The following OSTN variants were observed in gnomAD, a reference collection of about 807,000 sequenced individuals.
OSTN encodes the protein osteocrin.
OSTN carries 9 observed loss-of-function variants against 12.0 expected under a neutral mutation model. The ratio of observed to expected loss-of-function variants is 0.75; its 90% CI spans 0.45 to 1.30. The LOEUF (loss-of-function observed/expected upper bound fraction) is 1.30, where lower values mean the gene tolerates loss of function less well. Ranked by LOEUF, OSTN falls within the 50% of genes most tolerant of loss-of-function variation. The pLI is 0.00. For missense variants in OSTN, 148 were observed against 152.3 expected (o/e 0.97, Z 0.15); for synonymous variants, 59 against 56.9 (o/e 1.04, Z -0.16).
At position 191,265,261 on chromosome 3, in the gene OSTN, T is replaced by C. The variant is rs1273234311; in HGVS notation, c.*2408T>C. ...TTGTTTCAAAATAATGCATTACTTT[T>C]TTCTCTTTGCTTCTGTATGAACCTT... On this transcript the variant is annotated 3_prime_UTR_variant, in exon 5 of 5. Coordinates refer to ENST00000682035, the MANE Select transcript of OSTN (RefSeq NM_198184.2). 6.6e-6 allele frequency: 1 copy of C among 152,222 alleles called. No individual in the cohort carries two copies. Among genetic ancestry groups the C allele is most frequent in the Non-Finnish European group, 1.5e-5 (1 of 68,012 alleles). 9.4% of individuals were successfully genotyped at this position (152,222 alleles called of 1,614,324 possible). A position where few individuals can be genotyped will look rare whatever the true frequency, so the allele number is the denominator to read the frequency against.
Position 191,252,437 on chromosome 3 carries a change from T to C in OSTN, c.*12+2304T>C, listed in dbSNP as rs116837383. 4.0e-3 allele frequency among the ~76,000 whole-genome samples: 614 copies of C among 152,336 alleles called. 4 individuals carry two copies. Among genetic ancestry groups the C allele is most frequent in the African/African-American group, 0.014 (582 of 41,588 alleles). On this transcript the variant is annotated intron_variant, in intron 4 of 4. Coordinates refer to ENST00000682035, the MANE Select transcript of OSTN (RefSeq NM_198184.2). ...CAAACTATGAAGACAATTGAATTAATACAATGCTTCCTGAATCACTGTTGG... is the reference window on the plus strand; with the variant it reads ...CAAACTATGAAGACAATTGAATTAACACAATGCTTCCTGAATCACTGTTGG...
chr3:191,227,072 A>G (rs1714930523), intron 3 of OSTN, among the ~76,000 whole-genome samples: 1 of 152,174 alleles, frequency 6.6e-6, no homozygotes, highest in Non-Finnish European at 1.5e-5. Context: ...AAAAACTCAA[A>G]GAATAAACTG....
chr3:191,238,430 CAA>C (rs1311122081), intron 3 of OSTN, among the ~76,000 whole-genome samples: 5 of 152,074 alleles, frequency 3.3e-5, no homozygotes, highest in Non-Finnish European at 7.4e-5. Flanking sequence ...TTACATATGA[CAA>C]GAGGAAGTAG....
At chr3:191,215,928 GC>G (rs1560115150) in intron 2 of OSTN, among the ~76,000 whole-genome samples, 2 of 152,122 alleles carry the variant, frequency 1.3e-5, no homozygotes, top group African/African-American at 4.8e-5. Context: ...GCTCTACTGG[GC>G]AGTACCACAG....
At position 191,264,716 on chromosome 3, in the gene OSTN, C is replaced by G. The variant is rs1344475283; in HGVS notation, c.*1863C>G. 1 of 152,064 alleles carries G rather than the reference C, an allele frequency of 6.6e-6. No individual in the cohort carries two copies. Among genetic ancestry groups the G allele is most frequent in the African/African-American group, 2.4e-5 (1 of 41,428 alleles). The allele number at this position is 152,064 out of a possible 1,614,324, so 9.4% of individuals were successfully genotyped here. A position where few individuals can be genotyped will look rare whatever the true frequency, so the allele number is the denominator to read the frequency against. ...CTATTGCTTAGAAGCTCTTTCTTTC[C>G]TTGTATGCACATTTGGGTATTTGTA... is the stretch of plus-strand genomic sequence containing the variant. On this transcript the variant is annotated 3_prime_UTR_variant, in exon 5 of 5. Coordinates refer to ENST00000682035, the MANE Select transcript of OSTN (RefSeq NM_198184.2).
chr3:191,219,795 T>C lies in OSTN; in HGVS notation c.317+834T>C, dbSNP rs111859865. On this transcript the variant is annotated intron_variant, in intron 3 of 4. Transcript: ENST00000682035. ...ATTTCTCACTAAATTCTCTAAATAC[T>C]GTTTGCTTTACATATTAAATATCTC... is the stretch of plus-strand genomic sequence containing the variant. 2.9e-3 allele frequency among the ~76,000 whole-genome samples: 443 copies of C among 152,336 alleles called. 3 individuals are homozygous for C. Among genetic ancestry groups the C allele is most frequent in the African/African-American group, 1.0e-2 (415 of 41,582 alleles).
At chr3:191,221,998 G>A (rs371890759) in intron 3 of OSTN, among the ~76,000 whole-genome samples, 8 of 152,244 alleles carry the variant, frequency 5.3e-5, no homozygotes, top group African/African-American at 1.4e-4. Flanking sequence ...TTCAGAGGGT[G>A]CAAGCCCCAA....
At chr3:191,247,705 A>G (rs1381523309) in intron 3 of OSTN, among the ~76,000 whole-genome samples, 1 of 152,252 alleles carries the variant, frequency 6.6e-6, no homozygotes, top group Non-Finnish European at 1.5e-5. Flanking sequence ...CATCTGGCAC[A>G]TAGAAGGTAT....
At chr3:191,248,980 T>C (rs1431217232) in intron 3 of OSTN, among the ~76,000 whole-genome samples, 2 of 152,314 alleles carry the variant, frequency 1.3e-5, no homozygotes, top group East Asian at 3.9e-4. Context: ...ATTGCAAAAG[T>C]GTTTGTCTGC....
chr3:191,251,555 C>G (rs1203034316), intron 4 of OSTN, among the ~76,000 whole-genome samples: 1 of 152,160 alleles, frequency 6.6e-6, no homozygotes, highest in Non-Finnish European at 1.5e-5. Context: ...TTTCCCTCCT[C>G]CTCATGCTCT....
chr3:191,242,009 A>T (rs540849325), intron 3 of OSTN, among the ~76,000 whole-genome samples: 44 of 148,306 alleles, frequency 3.0e-4, no homozygotes, highest in African/African-American at 7.0e-4. Context: ...CAATGTATTT[A>T]AAAAAAAATA....
chr3:191,214,469 C>CA (rs1172394303), intron 2 of OSTN, among the ~76,000 whole-genome samples: 1 of 107,508 alleles, frequency 9.3e-6, no homozygotes, highest in Non-Finnish European at 2.0e-5. Context: ...AAAACAGCAA[C>CA]AAAAAACCAC....
rs73199656 is a variant in OSTN at position 191,226,776 on chromosome 3, A to G, written c.317+7815A>G. ...AAAGTAGCATCTCATATTAGTAAGT[A>G]AAAGAATATAGTTTGAATAAGTGAT... On this transcript the variant is annotated intron_variant, in intron 3 of 4. Coordinates refer to ENST00000682035, the MANE Select transcript of OSTN (RefSeq NM_198184.2). Among the ~76,000 whole-genome samples, 1,203 of 152,330 alleles carry G rather than the reference A, an allele frequency of 7.9e-3. 9 individuals carry two copies. Among genetic ancestry groups the G allele is most frequent in the Non-Finnish European group, 0.013 (886 of 67,998 alleles).
chr3:191,227,843 T>C (rs373776303), intron 3 of OSTN, among the ~76,000 whole-genome samples: 3 of 152,166 alleles, frequency 2.0e-5, no homozygotes, highest in East Asian at 3.9e-4. Flanking sequence ...GGAACATAAA[T>C]ATATGCTAAT....
At chr3:191,210,617 G>T (rs1714395411) in intron 1 of OSTN, among the ~76,000 whole-genome samples, 1 of 152,098 alleles carries the variant, frequency 6.6e-6, no homozygotes, top group Admixed American at 6.5e-5. Flanking sequence ...CTTATTCAAG[G>T]TTACACTGAT....
At chr3:191,205,135 G>T (rs922540264) in intron 1 of OSTN, among the ~76,000 whole-genome samples, 20 of 152,034 alleles carry the variant, frequency 1.3e-4, no homozygotes, top group Non-Finnish European at 2.6e-4. Context: ...TTATTTATTT[G>T]AACTCTAAGC....
At chr3:191,244,466 A>C (rs972730435) in intron 3 of OSTN, among the ~76,000 whole-genome samples, 1 of 151,554 alleles carries the variant, frequency 6.6e-6, no homozygotes, top group Non-Finnish European at 1.5e-5. Context: ...GGGACTAGAT[A>C]GTCAAAAAGT....
At chr3:191,232,660 G>A (rs1279220868) in intron 3 of OSTN, among the ~76,000 whole-genome samples, 2 of 150,530 alleles carry the variant, frequency 1.3e-5, no homozygotes, top group African/African-American at 2.4e-5. Context: ...GAGTGCAATG[G>A]TGAGATCTCG....
chr3:191,254,048 C>T (rs965207084), intron 4 of OSTN, among the ~76,000 whole-genome samples: 6 of 152,142 alleles, frequency 3.9e-5, no homozygotes, highest in Non-Finnish European at 5.9e-5. Flanking sequence ...AATATATTAT[C>T]TCAAGTCTTG....
Sources: allele counts gnomAD v4.1 joint callset (sites outside exome capture counted in the v4.1 genomes callset), GRCh38; gene constraint gnomAD v4.1.1; transcripts MANE v1.5; gene names NCBI Gene and HGNC (gene_info 2026-07-23, HGNC 2026-07-21).